Variants in USP34 observed in about 807,000 individuals in gnomAD.
USP34 encodes ubiquitin specific peptidase 34, also known as ubiquitin carboxyl-terminal hydrolase 34.
In USP34, 70 loss-of-function variants were observed where a neutral mutation model predicts 460.3. That is an observed-to-expected ratio of 0.15 (90% CI 0.13 to 0.19). The LOEUF (loss-of-function observed/expected upper bound fraction) is 0.19, where lower values mean the gene tolerates loss of function less well. USP34 is among the 10% of genes least tolerant of loss of function. The pLI is 1.00. For synonymous variants in USP34, 1,647 were observed against 1,405.3 expected (o/e 1.17, Z -3.85); for missense variants, 3,985 against 4,236.2 (o/e 0.94, Z 1.65).
chr2:61,305,430 G>A (rs577870663), intron 27 of USP34, among the ~76,000 whole-genome samples: 7 of 151,774 alleles, frequency 4.6e-5, no homozygotes, highest in Non-Finnish European at 8.8e-5. Flanking sequence ...AGCAAGCCCC[G>A]AAAAAAGATA....
intron 49 of USP34, among the ~76,000 whole-genome samples, chr2:61,246,946 T>A (rs1474163080): frequency 6.6e-6 from 1 of 152,188 alleles, no homozygotes; most frequent in Admixed American, 6.5e-5. Context: ...CTTCTTTTAT[T>A]CTCATGTTAA....
intron 2 of USP34, among the ~76,000 whole-genome samples, chr2:61,409,269 G>A (rs539547479): frequency 1.1e-4 from 16 of 152,084 alleles, no homozygotes; most frequent in South Asian, 1.0e-3. Flanking sequence ...AGGTCAGGCC[G>A]GGTGTGGTGG....
intron 72 of USP34, among the ~76,000 whole-genome samples, chr2:61,205,385 T>G (rs73932693): frequency 6.6e-6 from 1 of 152,178 alleles, no homozygotes; most frequent in East Asian, 1.9e-4. Context: ...TTGTGTGCCC[T>G]TCCCCTCTTG....
chr2:61,447,218 G>A (rs1049367099), intron 1 of USP34, among the ~76,000 whole-genome samples: 1 of 117,356 alleles, frequency 8.5e-6, no homozygotes, highest in African/African-American at 3.3e-5. Flanking sequence ...ACGCACCACT[G>A]CACTCCAGCC....
chr2:61,398,203 A>T (rs543916895), intron 3 of USP34, among the ~76,000 whole-genome samples: 82 of 152,100 alleles, frequency 5.4e-4, no homozygotes, highest in African/African-American at 1.9e-3. Context: ...AATCTCTATT[A>T]AAAATTTTTA....
intron 27 of USP34, among the ~76,000 whole-genome samples, chr2:61,308,877 C>G (rs1407829690): frequency 6.6e-6 from 1 of 152,038 alleles, no homozygotes; most frequent in African/African-American, 2.4e-5. Flanking sequence ...CCTGTCTCTA[C>G]TAAAAATACA....
intron 3 of USP34, among the ~76,000 whole-genome samples, chr2:61,395,679 G>C (rs1474579455): frequency 6.7e-6 from 1 of 148,976 alleles, no homozygotes; most frequent in Non-Finnish European, 1.5e-5. Context: ...CCAGCTACTC[G>C]GGAGGCTGAG....
chr2:61,389,783 C>G (rs1049944702), intron 5 of USP34, among the ~76,000 whole-genome samples: 1 of 151,998 alleles, frequency 6.6e-6, no homozygotes, highest in East Asian at 1.9e-4. Context: ...TCTCCCCACC[C>G]CCTGCTTAGT....
chr2:61,324,656 G>A (rs541308605), intron 21 of USP34, among the ~76,000 whole-genome samples: 34 of 152,046 alleles, frequency 2.2e-4, no homozygotes, highest in Admixed American at 1.6e-3. Flanking sequence ...ATAGTCCCAC[G>A]TTACTGAGGA....
intron 69 of USP34, 35 bp from the exon 70 acceptor site, chr2:61,209,012 T>A (rs1289197528): frequency 1.5e-5 from 21 of 1,408,522 alleles, no homozygotes; most frequent in Non-Finnish European, 2.0e-5. Context: ...TTGAGAAGTC[T>A]GAATAAGAAC....
At chr2:61,299,686 G>C (rs930064245) in intron 29 of USP34, among the ~76,000 whole-genome samples, 5 of 130,444 alleles carry the variant, frequency 3.8e-5, no homozygotes, top group African/African-American at 1.4e-4. Flanking sequence ...GAGAGATCAA[G>C]GCTACAACTG....
chr2:61,215,383 T>C (rs1164945139), intron 67 of USP34, among the ~76,000 whole-genome samples: 1 of 152,236 alleles, frequency 6.6e-6, no homozygotes, highest in Non-Finnish European at 1.5e-5. Flanking sequence ...TGATTACATA[T>C]ATGCTAATTA....
rs149378519 is a variant in USP34, at chr2:61,336,074, C to T, written c.2745-2103G>A. ...AATTACAGCGTATATCAAAAGTTAA[C>T]GTGAAATGCCATATATAATATAGTC... On this transcript the variant is annotated intron_variant, in intron 18 of 79. Transcript: ENST00000398571. Among the ~76,000 whole-genome samples the T allele has an allele frequency of 1.2e-4, 18 of 151,544 alleles. 1 individual carries two copies. In the South Asian group the frequency reaches 1.3e-3, roughly 11 times the overall value.
intron 27 of USP34, among the ~76,000 whole-genome samples, chr2:61,307,535 T>C (rs955270396): frequency 6.6e-6 from 1 of 150,994 alleles, no homozygotes; most frequent in Admixed American, 6.6e-5. Flanking sequence ...TAAATAAGAG[T>C]TTATAAGACT....
At chr2:61,191,289 T>C (rs1686633608) in intron 76 of USP34, 1 of 152,252 alleles carries the variant, frequency 6.6e-6, no homozygotes, top group Non-Finnish European at 1.5e-5. Flanking sequence ...TAAACACAAG[T>C]AGTATGTCTT....
intron 61 of USP34, among the ~76,000 whole-genome samples, chr2:61,227,960 T>C (rs1687778117): frequency 6.6e-6 from 1 of 152,228 alleles, no homozygotes; most frequent in African/African-American, 2.4e-5. Flanking sequence ...AAAGAGATAT[T>C]CACTTGGGCT....
intron 15 of USP34, among the ~76,000 whole-genome samples, chr2:61,345,002 G>C (rs971784888): frequency 6.6e-6 from 1 of 152,186 alleles, no homozygotes; most frequent in Non-Finnish European, 1.5e-5. Flanking sequence ...GCTGGGCATG[G>C]TGGCTCACAC....
At chr2:61,393,335 G>A (rs1000457635) in intron 5 of USP34, among the ~76,000 whole-genome samples, 1 of 151,632 alleles carries the variant, frequency 6.6e-6, no homozygotes, top group Non-Finnish European at 1.5e-5. Flanking sequence ...GGAGGCTGAG[G>A]CAGGAGAATC....
rs1431428082 is a variant in USP34 at position 61,208,927 on chromosome 2, A to T, written c.8891T>A (p.Phe2964Tyr). ...ESDEDRLLVVFNRGLILMTES... is the reference protein window; with the variant it reads ...ESDEDRLLVVYNRGLILMTES... ...TGTCATTAGAATCAATCCTCGATTA[A>T]ATACAACAAGAAGTCTGTCTTCATC... The change falls in exon 70 of 80, where the codon TTT (phenylalanine) becomes TAT (tyrosine). Residue 2964 changes from phenylalanine to tyrosine, a missense_variant. Coordinates refer to ENST00000398571, the MANE Select transcript of USP34 (RefSeq NM_014709.4). The T allele has an allele frequency of 6.3e-7, 1 of 1,596,428 alleles. No individual in the cohort carries two copies. The highest frequency in any genetic ancestry group is 8.5e-7 in the Non-Finnish European group (1 of 1,171,708).
Sources: allele counts gnomAD v4.1 joint callset (sites outside exome capture counted in the v4.1 genomes callset), GRCh38; gene constraint gnomAD v4.1.1; transcripts MANE v1.5; gene names NCBI Gene and HGNC (gene_info 2026-07-23, HGNC 2026-07-21).